The following ATP6V1G1 variants were observed in gnomAD, a reference collection of about 807,000 sequenced individuals.
ATP6V1G1 encodes V-type proton ATPase subunit G 1.
ATP6V1G1 carries 14 observed loss-of-function variants against 14.2 expected under a neutral mutation model. That is an observed-to-expected ratio of 0.99 (90% CI 0.65 to 1.55). ATP6V1G1 has a LOEUF of 1.55. ATP6V1G1 is among the 40% of genes most tolerant of loss of function. The pLI is 0.00. For missense variants in ATP6V1G1, 137 were observed against 146.4 expected (o/e 0.94, Z 0.33); for synonymous variants, 65 against 53.3 (o/e 1.22, Z -0.96).
chr9:114,596,974 A>G lies in ATP6V1G1; in HGVS notation c.184-596A>G, dbSNP rs1398585439. Reference sequence around the variant, plus strand: ...TTGATTCCTATCTTTGGTTAAGGCTATATAGCAGATTCTTTTTTTTTTTTT... The same window carrying G: ...TTGATTCCTATCTTTGGTTAAGGCTGTATAGCAGATTCTTTTTTTTTTTTT... On this transcript the variant is annotated intron_variant, in intron 2 of 2. Transcript: ENST00000374050. Among the ~76,000 whole-genome samples, 4 of 146,006 alleles carry G rather than the reference A, an allele frequency of 2.7e-5. No homozygotes were observed. In the East Asian group the frequency reaches 8.0e-4, roughly 29 times the overall value.
At chr9:114,588,339 G>A (rs560797419) in intron 1 of ATP6V1G1, among the ~76,000 whole-genome samples, 1 of 152,106 alleles carries the variant, frequency 6.6e-6, no homozygotes, top group South Asian at 2.1e-4. Flanking sequence ...CAGTCGCCAA[G>A]GCTTGCGTAT....
intron 1 of ATP6V1G1, among the ~76,000 whole-genome samples, chr9:114,589,073 C>T (rs1246770424): frequency 6.6e-6 from 1 of 152,132 alleles, no homozygotes; most frequent in Admixed American, 6.6e-5. Flanking sequence ...AATTCTCCTC[C>T]CCTTTGTTCT....
intron 2 of ATP6V1G1, 102 bp from the exon 3 acceptor site, chr9:114,597,468 G>GTAT: frequency 8.1e-7 from 1 of 1,239,718 alleles, no homozygotes; most frequent in Middle Eastern, 3.0e-4. Flanking sequence ...TGATAGGTGA[G>GTAT]CCTGGGTTTC....
Position 114,597,658 on chromosome 9 carries a change from A to G in ATP6V1G1, c.272A>G (p.Asn91Ser). 2.5e-6 allele frequency: 4 copies of G among 1,595,690 alleles called. No homozygotes were observed. Among genetic ancestry groups the G allele is most frequent in the Non-Finnish European group, 3.4e-6 (4 of 1,172,910 alleles). ...ATCCTCCAGACATACTTCCGGCAGA[A>G]CAGGGATGAAGTCTTGGACAACCTC... ...MTILQTYFRQ[N>S]RDEVLDNLLA... is the part of the protein sequence containing the mutation. The change falls in exon 3 of 3, where the codon AAC becomes AGC. Residue 91 changes from asparagine to serine, a missense_variant. Asn to Ser is a conservative substitution (Grantham distance 46, BLOSUM62 1). Coordinates refer to ENST00000374050, the MANE Select transcript of ATP6V1G1 (RefSeq NM_004888.4).
At chr9:114,589,434 G>A (rs1017095447) in intron 1 of ATP6V1G1, among the ~76,000 whole-genome samples, 1 of 152,124 alleles carries the variant, frequency 6.6e-6, no homozygotes, top group African/African-American at 2.4e-5. Flanking sequence ...TCCATGCAAG[G>A]CGAAGATACT....
intron 1 of ATP6V1G1, 63 bp downstream of exon 1, chr9:114,587,983 G>A (rs1022630664): frequency 5.2e-6 from 8 of 1,530,982 alleles, no homozygotes; most frequent in African/African-American, 1.4e-5. Context: ...TGGGCCTCAG[G>A]TGGTGGGTAG....
At chr9:114,588,462 A>G (rs540557408) in intron 1 of ATP6V1G1, among the ~76,000 whole-genome samples, 2 of 150,752 alleles carry the variant, frequency 1.3e-5, no homozygotes, top group South Asian at 4.2e-4. Flanking sequence ...TGTGTTTCTG[A>G]TATGTGGCAA....
At chr9:114,590,975 T>C (rs1313441357) in intron 1 of ATP6V1G1, among the ~76,000 whole-genome samples, 1 of 152,044 alleles carries the variant, frequency 6.6e-6, no homozygotes, top group Non-Finnish European at 1.5e-5. Context: ...TTTGTGTTTT[T>C]AGTAGAGACA....
chr9:114,588,510 AGTGTGTGTGT>A (rs66783144), intron 1 of ATP6V1G1, among the ~76,000 whole-genome samples: 2,536 of 147,188 alleles, frequency 0.017, 57 homozygotes, highest in African/African-American at 0.06. Flanking sequence ...TGGCAAGCGC[AGTGTGTGTGT>A]GTGTGTGTGT....
chr9:114,590,770 AT>A (rs927194235), intron 1 of ATP6V1G1, among the ~76,000 whole-genome samples: 1 of 151,446 alleles, frequency 6.6e-6, no homozygotes, highest in Admixed American at 6.6e-5. Flanking sequence ...TTTTTTTATT[AT>A]TTTTTATTTT....
At chr9:114,592,699 G>C in intron 2 of ATP6V1G1, 47 bp downstream of exon 2, 2 of 1,532,838 alleles carry the variant, frequency 1.3e-6, no homozygotes, top group South Asian at 2.4e-5. Context: ...CTGATCCCCT[G>C]TCCCGCCAAG....
intron 1 of ATP6V1G1, among the ~76,000 whole-genome samples, chr9:114,589,427 A>G (rs1232736503): frequency 6.6e-6 from 1 of 152,186 alleles, no homozygotes; most frequent in Non-Finnish European, 1.5e-5. Flanking sequence ...CTCTTTTTCC[A>G]TGCAAGGCGA....
In ATP6V1G1 at chr9:114,587,819, C is replaced by T. The variant is rs762638452; in HGVS notation, c.-20C>T. 42 of 1,574,604 alleles carry T rather than the reference C, an allele frequency of 2.7e-5. No homozygotes were observed. The highest frequency in any genetic ancestry group is 3.3e-5 in the Non-Finnish European group (38 of 1,159,906). On this transcript the variant is annotated 5_prime_UTR_variant, in exon 1 of 3. Transcript: ENST00000374050. ...GAGGTGCCTTAGGCCGCTTGCCTTG[C>T]TCTCAGAATCGCTGCCGCCATGGCT...
At chr9:114,588,377 C>T (rs888095918) in intron 1 of ATP6V1G1, among the ~76,000 whole-genome samples, 6 of 152,032 alleles carry the variant, frequency 3.9e-5, no homozygotes, top group Admixed American at 3.9e-4. Context: ...ATGTCTACTA[C>T]CAGCGTCTTA....
In ATP6V1G1 at chr9:114,588,302, T is replaced by C. The variant is rs189740787; in HGVS notation, c.82+382T>C. 4.5e-4 allele frequency among the ~76,000 whole-genome samples: 69 copies of C among 152,164 alleles called. No individual in the cohort carries two copies. The East Asian group carries it at 0.012, about 27-fold the overall frequency. ...TTGGTCTAGAAACCTGGAGTCCTGC[T>C]TGCCTCTTCTCCCTCCCTCATTTAG... On this transcript the variant is annotated intron_variant, in intron 1 of 2. Coordinates refer to ENST00000374050, the MANE Select transcript of ATP6V1G1 (RefSeq NM_004888.4).
chr9:114,590,916 C>T (rs574852550), intron 1 of ATP6V1G1, among the ~76,000 whole-genome samples: 9 of 152,224 alleles, frequency 5.9e-5, no homozygotes, highest in East Asian at 5.8e-4. Flanking sequence ...CTGCCTCAGC[C>T]GCCCGAGTAG....
At chr9:114,595,422 T>C (rs2133560133) in intron 2 of ATP6V1G1, among the ~76,000 whole-genome samples, 2 of 151,898 alleles carry the variant, frequency 1.3e-5, no homozygotes, top group South Asian at 4.2e-4. Context: ...GAGGCCAAGG[T>C]GGGTGGATCG....
intron 2 of ATP6V1G1, 141 bp from the exon 3 acceptor site, chr9:114,597,429 G>A (rs1256421111): frequency 4.1e-6 from 3 of 726,592 alleles, no homozygotes; most frequent in Non-Finnish European, 4.0e-6. Context: ...CTCCAGCCAT[G>A]AGGTCATATT....
At chr9:114,593,806 C>T (rs559079193) in intron 2 of ATP6V1G1, among the ~76,000 whole-genome samples, 16 of 152,030 alleles carry the variant, frequency 1.1e-4, no homozygotes, top group Non-Finnish European at 2.4e-4. Context: ...GCCATTAAAA[C>T]GTGGCTGGGC....
Sources: gnomAD v4.1 joint callset for allele counts (sites outside exome capture counted in the v4.1 genomes callset) on GRCh38, gnomAD v4.1.1 for gene constraint, MANE v1.5 for transcripts, NCBI Gene and HGNC (gene_info 2026-07-23, HGNC 2026-07-21) for gene names.